NCLN: variants seen among roughly 807,000 people sequenced by gnomAD.
The protein encoded by NCLN is BOS complex subunit NCLN.
Under a neutral mutation model 69.5 loss-of-function variants are expected in NCLN, and 34 were observed. The observed-to-expected ratio is 0.49, with a 90% confidence interval of 0.37 to 0.65. The LOEUF (loss-of-function observed/expected upper bound fraction) is 0.65. Among genes scored for constraint, NCLN ranks in the 30% least tolerant of loss-of-function variants. The pLI is 0.00. For synonymous variants in NCLN, 393 were observed against 358.3 expected, an observed-to-expected ratio of 1.10 and a Z score of -1.09; for missense variants, 710 against 804.8, an observed-to-expected ratio of 0.88 and a Z score of 1.42.
At chr19:3,207,523 G>T in intron 14 of NCLN, 54 bp downstream of exon 14, 1 of 1,608,810 alleles carries the variant, frequency 6.2e-7, no homozygotes, top group Non-Finnish European at 8.5e-7. Flanking sequence ...GGAGGAGCTG[G>T]GCTGGGCGTC....
At chr19:3,198,303 A>G (rs927360993) in intron 4 of NCLN, among the ~76,000 whole-genome samples, 5 of 152,132 alleles carry the variant, frequency 3.3e-5, no homozygotes, top group Non-Finnish European at 7.4e-5. Flanking sequence ...TCAGGAGATC[A>G]AGACCATCCT....
rs950094455 is a variant in NCLN at position 3,207,861 on chromosome 19, T to G, written c.*173T>G. ...GCTTTTTTCTGTTGCTCTCCGAGAC[T>G]GGGGGGGGATTGTTTCTTCTTTTCC... On this transcript the variant is annotated 3_prime_UTR_variant, in exon 15 of 15. Transcript: ENST00000246117. 5.0e-6 allele frequency: 3 copies of G among 594,468 alleles called. No individual in the cohort carries two copies. The highest frequency in any genetic ancestry group is 3.0e-5 in the Admixed American group (1 of 33,398). 36.8% of individuals were successfully genotyped at this position (594,468 alleles called of 1,614,324 possible).
intron 1 of NCLN, among the ~76,000 whole-genome samples, chr19:3,188,700 G>A (rs1166878283): frequency 6.6e-6 from 1 of 152,242 alleles, no homozygotes; most frequent in Non-Finnish European, 1.5e-5. Flanking sequence ...GCTGGACGCA[G>A]CTTTCCCTGT....
chr19:3,195,155 C>G (rs1214893971), intron 3 of NCLN, among the ~76,000 whole-genome samples: 1 of 148,036 alleles, frequency 6.8e-6, no homozygotes, highest in African/African-American at 2.5e-5. Context: ...GCACTCCAGC[C>G]CGGGTGACAG....
At chr19:3,194,000 G>C (rs1420654486) in intron 3 of NCLN, among the ~76,000 whole-genome samples, 1 of 152,222 alleles carries the variant, frequency 6.6e-6, no homozygotes, top group African/African-American at 2.4e-5. Context: ...TGAGGGGCTT[G>C]CCCGGGGCTG....
chr19:3,199,323 C>T (rs568370994), intron 5 of NCLN, among the ~76,000 whole-genome samples: 1 of 152,388 alleles, frequency 6.6e-6, no homozygotes, highest in Admixed American at 6.5e-5. Flanking sequence ...GGCCCTCTCC[C>T]TGTGTGTCAC....
At chr19:3,199,017 G>GAGAGA (rs1916052516) in intron 5 of NCLN, 120 bp downstream of exon 5, 12 of 646,680 alleles carry the variant, frequency 1.9e-5, no homozygotes, top group Non-Finnish European at 2.6e-5. Context: ...TCCCTGTGAC[G>GAGAGA]GCCTTTGCCC....
chr19:3,199,393 G>A (rs1049792882), intron 5 of NCLN, among the ~76,000 whole-genome samples: 1 of 152,280 alleles, frequency 6.6e-6, no homozygotes, highest in African/African-American at 2.4e-5. Context: ...ACTGTCACCA[G>A]CGAGACTTCC....
chr19:3,186,037 G>A lies in NCLN; in HGVS notation c.7G>A (p.Glu3Lys), dbSNP rs1458333867. 6.4e-7 allele frequency: 1 copy of A among 1,573,788 alleles called. No homozygotes were observed. Among genetic ancestry groups the A allele is most frequent in the Non-Finnish European group, 8.6e-7 (1 of 1,164,472 alleles). Residue 3 changes from glutamate (E) to lysine (K), a missense_variant, in exon 1 of 15, where the codon GAG (glutamate) becomes AAG (lysine). Glu to Lys is a moderately conservative substitution (Grantham distance 56, BLOSUM62 1). Coordinates refer to ENST00000246117, the MANE Select transcript of NCLN (RefSeq NM_020170.4). The stretch of plus-strand genomic sequence containing the variant: ...GGCCCCGCCGCCGGCCAGGATGCTG[G>A]AGGAAGCGGGCGAGGTGCTGGAGAA... The part of the protein sequence containing the change: ML[E>K]EAGEVLENML...
At chr19:3,186,341 A>G in intron 1 of NCLN, 127 bp downstream of exon 1, 11 of 1,118,998 alleles carry the variant, frequency 9.8e-6, no homozygotes, top group Non-Finnish European at 1.2e-5. Context: ...GCCCCAGGCG[A>G]GGCAGAGCCC....
rs1916367106 is a variant in NCLN at position 3,209,192 on chromosome 19, C to A, written c.*1504C>A. 1 of 152,346 alleles carries A rather than the reference C, an allele frequency of 6.6e-6. No homozygotes were observed. Among genetic ancestry groups the A allele is most frequent in the African/African-American group, 2.4e-5 (1 of 41,476 alleles). 9.4% of individuals were successfully genotyped at this position (152,346 alleles called of 1,614,324 possible). On this transcript the variant is annotated 3_prime_UTR_variant, in exon 15 of 15. Coordinates refer to ENST00000246117, the MANE Select transcript of NCLN (RefSeq NM_020170.4). ...CAGCACCTCTGCCCTCCAGAACCTG[C>A]AGCCTGGAGGGGTGAGGGGACAACC...
At position 3,209,246 on chromosome 19, in the gene NCLN, A is replaced by T. The variant is rs1433097401; in HGVS notation, c.*1558A>T. 1 of 152,180 alleles carries T rather than the reference A, an allele frequency of 6.6e-6. No homozygotes were observed. Among genetic ancestry groups the T allele is most frequent in the Non-Finnish European group, 1.5e-5 (1 of 68,062 alleles). The allele number at this position is 152,180 out of a possible 1,614,324, so 9.4% of individuals were successfully genotyped here. On this transcript the variant is annotated 3_prime_UTR_variant, in exon 15 of 15. Coordinates refer to ENST00000246117, the MANE Select transcript of NCLN (RefSeq NM_020170.4). ...CCTCTTTCCTCCAGGTTGGCAGGGGACCCTCTTCTCCCGTCTGCCCTGCGG... is the reference window on the plus strand; with the variant it reads ...CCTCTTTCCTCCAGGTTGGCAGGGGTCCCTCTTCTCCCGTCTGCCCTGCGG...
At chr19:3,199,559 G>C (rs2144909637) in intron 5 of NCLN, among the ~76,000 whole-genome samples, 1 of 152,312 alleles carries the variant, frequency 6.6e-6, no homozygotes, top group Non-Finnish European at 1.5e-5. Flanking sequence ...CTGTCAGCGA[G>C]GGTCGGGGGC....
intron 6 of NCLN, among the ~76,000 whole-genome samples, chr19:3,202,843 C>A (rs1294620543): frequency 6.6e-6 from 1 of 151,994 alleles, no homozygotes; most frequent in Non-Finnish European, 1.5e-5. Flanking sequence ...GTGAACGGGG[C>A]TGGTTTCTGC....
rs973677464 is a variant in NCLN at position 3,207,488 on chromosome 19, C to T, written c.1632+19C>T. The stretch of plus-strand genomic sequence containing the variant: ...TGTCCAGGTGAGCAGTGCCCAGGCT[C>T]AGGTGGGGCAGGGGCCGCCCGCCGG... On this transcript the variant is annotated intron_variant, in intron 14 of 14. Transcript: ENST00000246117. 4 of 1,612,146 alleles carry T rather than the reference C, an allele frequency of 2.5e-6. No homozygotes were observed. The highest frequency in any genetic ancestry group is 1.6e-4 in the Middle Eastern group (1 of 6,062).
intron 4 of NCLN, among the ~76,000 whole-genome samples, chr19:3,197,684 G>T (rs984511986): frequency 6.7e-6 from 1 of 150,374 alleles, no homozygotes; most frequent in Admixed American, 6.6e-5. Context: ...GCAATGGTGC[G>T]ATCTCAGCTC....
At chr19:3,186,353 G>C (rs1915669387) in intron 1 of NCLN, 139 bp downstream of exon 1, 1 of 1,032,146 alleles carries the variant, frequency 9.7e-7, no homozygotes, top group Non-Finnish European at 1.3e-6. Flanking sequence ...GCAGAGCCCT[G>C]CCGCCCTGGA....
chr19:3,190,130 A>T (rs548371960), intron 1 of NCLN, among the ~76,000 whole-genome samples: 2 of 152,312 alleles, frequency 1.3e-5, no homozygotes, highest in South Asian at 2.1e-4. Context: ...ATGTGGGGAC[A>T]GGTGGGGTGC....
Position 3,198,879 on chromosome 19 carries a change from C to T in NCLN, c.678C>T (p.Asp226=), listed in dbSNP as rs139127079. The T allele has an allele frequency of 1.2e-4, 184 of 1,549,302 alleles. No homozygotes were observed. In the East Asian group the frequency reaches 1.8e-3, roughly 15 times the overall value. Residue 226 remains aspartate (D), a synonymous_variant, in exon 5 of 15, where the codon GAC becomes GAT. Coordinates refer to ENST00000246117, the MANE Select transcript of NCLN (RefSeq NM_020170.4). The part of the protein sequence containing the change: ...LPTIVIVAHY[D]AFGVAPWLSL... ...CCATCGTCATCGTGGCCCACTACGACGCCTTTGGAGTGGCCCCCGTACGTA... is the reference window on the plus strand; with the variant it reads ...CCATCGTCATCGTGGCCCACTACGATGCCTTTGGAGTGGCCCCCGTACGTA...
Sources: gnomAD v4.1 joint callset for allele counts (sites outside exome capture counted in the v4.1 genomes callset) on GRCh38, gnomAD v4.1.1 for gene constraint, MANE v1.5 for transcripts, NCBI Gene and HGNC (gene_info 2026-07-23, HGNC 2026-07-21) for gene names.